Variants in PTPRE observed in about 807,000 individuals in gnomAD.
PTPRE encodes the protein protein tyrosine phosphatase receptor type E, also known as receptor-type tyrosine-protein phosphatase epsilon.
Under a neutral mutation model 102.0 loss-of-function variants are expected in PTPRE, and 51 were observed. The ratio of observed to expected loss-of-function variants is 0.50; its 90% CI spans 0.40 to 0.63. The LOEUF is 0.63. Ranked by LOEUF, PTPRE falls within the 30% of genes least tolerant of loss-of-function variation. PTPRE has a pLI of 0.00. For synonymous variants in PTPRE, 345 were observed against 348.2 expected (o/e 0.99, Z 0.10); for missense variants, 752 against 915.1 (o/e 0.82, Z 2.30).
chr10:128,047,102 C>A (rs1002417073), intron 3 of PTPRE, among the ~76,000 whole-genome samples: 1 of 152,226 alleles, frequency 6.6e-6, no homozygotes, highest in Non-Finnish European at 1.5e-5. Flanking sequence ...GAGAGCCAGG[C>A]AGCCAGGCCG....
chr10:127,930,257 C>A (rs1847331720), intron 1 of PTPRE, among the ~76,000 whole-genome samples: 1 of 152,046 alleles, frequency 6.6e-6, no homozygotes, highest in Non-Finnish European at 1.5e-5. Flanking sequence ...AAAAAAAAAT[C>A]TGTCATCATG....
At chr10:127,996,467 G>A (rs751600671) in intron 2 of PTPRE, among the ~76,000 whole-genome samples, 7 of 152,192 alleles carry the variant, frequency 4.6e-5, no homozygotes, top group Non-Finnish European at 8.8e-5. Flanking sequence ...TGTTAAAGTT[G>A]ATTCAAATTG....
At chr10:128,066,623 G>T (rs1299059118) in intron 11 of PTPRE, among the ~76,000 whole-genome samples, 1 of 152,186 alleles carries the variant, frequency 6.6e-6, no homozygotes. Context: ...CACCCCAAAA[G>T]GTTTAAGAGA....
At position 128,083,172 on chromosome 10, in the gene PTPRE, A is replaced by G. The variant is rs1192291002; in HGVS notation, c.*266A>G. On this transcript the variant is annotated 3_prime_UTR_variant, in exon 21 of 21. Transcript: ENST00000254667. ...TATCTTAATTTTTCATTAGATTCAT[A>G]TCATTTAATTTCACATATTCAACAC... 4 of 235,246 alleles carry G rather than the reference A, an allele frequency of 1.7e-5. No individual in the cohort carries two copies. Among genetic ancestry groups the G allele is most frequent in the Admixed American group, 5.8e-5 (1 of 17,302 alleles). 14.6% of individuals were successfully genotyped at this position (235,246 alleles called of 1,614,324 possible).
intron 1 of PTPRE, among the ~76,000 whole-genome samples, chr10:127,974,232 T>A (rs541389726): frequency 6.6e-6 from 1 of 152,334 alleles, no homozygotes; most frequent in East Asian, 1.9e-4. Context: ...TTATACTGAG[T>A]TCTGCGTCCG....
Position 128,020,073 on chromosome 10 carries a change from T to C in PTPRE, c.-7-20802T>C, listed in dbSNP as rs565164143. Among the ~76,000 whole-genome samples the C allele has an allele frequency of 4.9e-3, 741 of 149,918 alleles. 5 individuals carry two copies. The highest frequency in any genetic ancestry group is 0.017 in the African/African-American group (711 of 41,052). On this transcript the variant is annotated intron_variant, in intron 2 of 20. Transcript: ENST00000254667. ...ACGCGCGCACGTGTGTGTGTGTGTG[T>C]GTGCGTGCACATGCACGCTGGACAC...
chr10:127,919,603 C>A (rs1206622354), intron 1 of PTPRE, among the ~76,000 whole-genome samples: 2 of 152,134 alleles, frequency 1.3e-5, no homozygotes, highest in African/African-American at 4.8e-5. Context: ...AAGAAGAAAG[C>A]CCGGGTTATT....
chr10:127,999,635 G>A, intron 2 of PTPRE: 2 of 985,032 alleles, frequency 2.0e-6, no homozygotes, highest in Non-Finnish European at 2.4e-6. Flanking sequence ...CTTACTGACT[G>A]ATTATGAACT....
intron 1 of PTPRE, among the ~76,000 whole-genome samples, chr10:127,956,174 A>G (rs61873697): frequency 0.062 from 9,508 of 152,280 alleles, 422 homozygotes; most frequent in Middle Eastern, 0.099. Context: ...TGCCAAGTTG[A>G]CAAGGGGTGG....
At chr10:128,043,435 G>A (rs4466744) in intron 3 of PTPRE, among the ~76,000 whole-genome samples, 150,810 of 152,320 alleles carry the variant, frequency 0.99, 74,674 homozygotes, top group East Asian at 1. Context: ...CTGATCTGAC[G>A]GGGGGCGGCG....
At chr10:127,980,510 A>G (rs1436175756) in intron 1 of PTPRE, among the ~76,000 whole-genome samples, 1 of 151,776 alleles carries the variant, frequency 6.6e-6, no homozygotes, top group African/African-American at 2.4e-5. Context: ...TCTTTTTCCT[A>G]ACTTATTGCA....
At chr10:127,977,847 G>A (rs544433393) in intron 1 of PTPRE, among the ~76,000 whole-genome samples, 1 of 152,276 alleles carries the variant, frequency 6.6e-6, no homozygotes, top group East Asian at 1.9e-4. Flanking sequence ...TTGTCACCAT[G>A]GCTTTTTCCC....
At chr10:128,030,454 G>A (rs961949738) in intron 2 of PTPRE, among the ~76,000 whole-genome samples, 1 of 152,162 alleles carries the variant, frequency 6.6e-6, no homozygotes, top group Non-Finnish European at 1.5e-5. Context: ...AGAGAGAGAC[G>A]TCGAACCAGC....
chr10:128,021,346 G>A (rs1197308324), intron 2 of PTPRE, among the ~76,000 whole-genome samples: 1 of 152,188 alleles, frequency 6.6e-6, no homozygotes, highest in South Asian at 2.1e-4. Context: ...GGGGGCAGGG[G>A]TGTGCTCCCC....
intron 2 of PTPRE, among the ~76,000 whole-genome samples, chr10:128,024,568 T>G (rs1320950627): frequency 6.6e-6 from 1 of 152,226 alleles, no homozygotes; most frequent in Non-Finnish European, 1.5e-5. Flanking sequence ...GATTAGAGTT[T>G]GGCACACAGG....
At chr10:127,922,342 C>A (rs969340768) in intron 1 of PTPRE, among the ~76,000 whole-genome samples, 3 of 152,238 alleles carry the variant, frequency 2.0e-5, no homozygotes, top group Non-Finnish European at 4.4e-5. Context: ...GGACACCTAA[C>A]CTGAATCTGG....
At chr10:127,950,224 A>G (rs917480938) in intron 1 of PTPRE, among the ~76,000 whole-genome samples, 1 of 152,154 alleles carries the variant, frequency 6.6e-6, no homozygotes, top group Non-Finnish European at 1.5e-5. Context: ...ACTAACAGAG[A>G]CATAAAGGGA....
In PTPRE at chr10:128,028,932, G is replaced by A. The variant is rs772724716; in HGVS notation, c.-7-11943G>A. Among the ~76,000 whole-genome samples, 15 of 152,204 alleles carry A rather than the reference G, an allele frequency of 9.9e-5. No homozygotes were observed. Among genetic ancestry groups the A allele is most frequent in the Non-Finnish European group, 1.5e-4 (10 of 68,034 alleles). On this transcript the variant is annotated intron_variant, in intron 2 of 20. Coordinates refer to ENST00000254667, the MANE Select transcript of PTPRE (RefSeq NM_006504.6). This position sits in a 1 kb window ranked among gnomAD's most constrained non-coding sequence, Gnocchi z 4.5. ...TCCTCGAGGAGCGCTATCCTGCTCC[G>A]TCTCTGCTCAGGGTCCCCCCAGAGG...
chr10:128,082,596 C>T (rs1300516482), intron 20 of PTPRE, among the ~76,000 whole-genome samples: 1 of 151,988 alleles, frequency 6.6e-6, no homozygotes, highest in Non-Finnish European at 1.5e-5. Flanking sequence ...TTAACTCAGC[C>T]CATTAAATAC....
Sources: allele counts gnomAD v4.1 joint callset (sites outside exome capture counted in the v4.1 genomes callset), GRCh38; gene constraint gnomAD v4.1.1; non-coding constraint Gnocchi (gnomAD v3.1); transcripts MANE v1.5; gene names NCBI Gene and HGNC (gene_info 2026-07-23, HGNC 2026-07-21).